MCF2: variants seen among roughly 807,000 people sequenced by gnomAD.
The protein encoded by MCF2 is MCF.2 cell line derived transforming sequence, also known as proto-oncogene DBL.
In MCF2, 44 loss-of-function variants were observed where a neutral mutation model predicts 82.5. That is an observed-to-expected ratio of 0.53 (90% CI 0.42 to 0.69). The LOEUF is 0.69. Among genes scored for constraint, MCF2 ranks in the 30% least tolerant of loss-of-function variants. The pLI is 0.00. For missense variants in MCF2, 623 were observed against 663.1 expected, an observed-to-expected ratio of 0.94 and a Z score of 0.66; for synonymous variants, 217 against 224.9, an observed-to-expected ratio of 0.96 and a Z score of 0.32.
intron 1 of MCF2, among the ~76,000 whole-genome samples, chrX:139,668,245 C>A (rs1340289539): frequency 1.8e-5 from 2 of 111,619 alleles, no homozygotes; most frequent in African/African-American, 6.5e-5. Context: ...CAGGCTGATT[C>A]CCCAGTTTCC....
chrX:139,687,468 T>A (rs999406686), intron 1 of MCF2, among the ~76,000 whole-genome samples: 1 of 112,973 alleles, frequency 8.9e-6, no homozygotes, highest in Non-Finnish European at 1.9e-5. Flanking sequence ...CCTCATGGGA[T>A]TGGCCTCTGC....
chrX:139,588,265 A>G (rs1259669701), intron 21 of MCF2, 95 bp downstream of exon 25: 20 of 571,634 alleles, frequency 3.5e-5, no homozygotes, highest in African/African-American at 4.6e-5. Flanking sequence ...TATAAAGTAA[A>G]TATCAGCCCC....
At chrX:139,610,184 A>T in intron 11 of MCF2, 117 bp downstream of exon 15, 1 of 484,524 alleles carries the variant, frequency 2.1e-6, no homozygotes, top group Admixed American at 4.8e-5. Context: ...TTTTTCTTTT[A>T]AATAGTCTTT....
chrX:139,676,322 C>T (rs751249411), intron 1 of MCF2, among the ~76,000 whole-genome samples: 42 of 111,823 alleles, frequency 3.8e-4, no homozygotes, highest in Non-Finnish European at 6.2e-4. Flanking sequence ...ACCCTCCATG[C>T]GCTGCACCCA....
intron 10 of MCF2, among the ~76,000 whole-genome samples, chrX:139,611,101 A>G (rs1255509809): frequency 8.9e-6 from 1 of 112,092 alleles, no homozygotes; most frequent in East Asian, 2.8e-4. Context: ...GCATGGTCCA[A>G]CCAAAGACTA....
intron 1 of MCF2, among the ~76,000 whole-genome samples, chrX:139,666,548 C>G (rs1266226539): frequency 9.0e-6 from 1 of 111,540 alleles, no homozygotes; most frequent in Non-Finnish European, 1.9e-5. Context: ...CTCTATTGGC[C>G]TCTGAAGTTT....
chrX:139,673,814 T>C (rs988597971), intron 1 of MCF2, among the ~76,000 whole-genome samples: 13 of 111,971 alleles, frequency 1.2e-4, no homozygotes, highest in African/African-American at 4.2e-4. Flanking sequence ...TGGAGAGTTC[T>C]GTAGATGTCT....
intron 1 of MCF2, among the ~76,000 whole-genome samples, chrX:139,677,074 T>C (rs1176435475): frequency 3.6e-5 from 4 of 111,789 alleles, no homozygotes; most frequent in African/African-American, 1.3e-4. Context: ...GCATGCACAC[T>C]AAGAGGAAAA....
At chrX:139,678,606 TA>T (rs1934929520) in intron 1 of MCF2, among the ~76,000 whole-genome samples, 1 of 111,650 alleles carries the variant, frequency 9.0e-6, no homozygotes, top group African/African-American at 3.3e-5. Flanking sequence ...CAAGGATATA[TA>T]AAAGATTATA....
At chrX:139,605,734 T>C (rs916976707) in exon 13 of MCF2, 2 of 1,200,947 alleles carry the variant, frequency 1.7e-6, no homozygotes, top group Non-Finnish European at 2.2e-6. Context: ...TATACAGTTC[T>C]CGAACATAAA....
chrX:139,666,517 C>T (rs1934524880), intron 1 of MCF2, among the ~76,000 whole-genome samples: 1 of 111,446 alleles, frequency 9.0e-6, no homozygotes, highest in South Asian at 3.8e-4. Context: ...TCTTTCAGCA[C>T]TTTACATGTA....
chrX:139,703,359 G>C (rs1473527147), intron 1 of MCF2, among the ~76,000 whole-genome samples: 1 of 110,797 alleles, frequency 9.0e-6, no homozygotes, highest in Admixed American at 9.6e-5. Context: ...TGTTGAGTGA[G>C]AAAAAAAGAT....
intron 12 of MCF2, chrX:139,607,207 A>C (rs921716550): frequency 3.0e-4 from 33 of 111,408 alleles, no homozygotes; most frequent in African/African-American, 1.1e-3. Flanking sequence ...TTGATATGGT[A>C]ATCATTTCAC....
chrX:139,584,286 C>T (rs773939315), intron 24 of MCF2, among the ~76,000 whole-genome samples: 5 of 110,127 alleles, frequency 4.5e-5, no homozygotes, highest in Non-Finnish European at 9.5e-5. Context: ...CAGGCATGCG[C>T]CACCACAACC....
At chrX:139,650,721 C>T (rs1933973214) in intron 2 of MCF2, among the ~76,000 whole-genome samples, 1 of 112,018 alleles carries the variant, frequency 8.9e-6, no homozygotes. Flanking sequence ...AGTTACGTCT[C>T]TAAAAATGGG....
At chrX:139,612,540 GA>G (rs368901985) in intron 10 of MCF2, among the ~76,000 whole-genome samples, 2,192 of 97,567 alleles carry the variant, frequency 0.022, 49 homozygotes, top group African/African-American at 0.07. Flanking sequence ...AATGCAAAAA[GA>G]AAAAAAAAAA....
chrX:139,626,419 A>T (rs1270375153), intron 5 of MCF2, 112 bp from the exon 9 acceptor site: 2 of 578,574 alleles, frequency 3.5e-6, no homozygotes, highest in African/African-American at 2.3e-5. Context: ...AGCCCATGAC[A>T]CTTGGTTCTA....
At chrX:139,694,802 T>C (rs1935348408) in intron 1 of MCF2, among the ~76,000 whole-genome samples, 1 of 110,593 alleles carries the variant, frequency 9.0e-6, no homozygotes, top group Admixed American at 9.6e-5. Context: ...TGGATATCCA[T>C]AAATCCATTA....
chrX:139,651,483 T>TA lies in MCF2; in HGVS notation c.25+236dup, dbSNP rs1360153955. ...CTGAAAGTCAAATGTATAAGAGTGG[T>TA]AAGGTCGGTTTTACTCATATATCTA... On this transcript the variant is annotated intron_variant, in intron 2 of 27. Coordinates refer to the MCF2 transcript ENST00000414978. Among the ~76,000 whole-genome samples, 4 of 111,523 alleles carry TA rather than the reference T, an allele frequency of 3.6e-5. No individual in the cohort carries two copies. In the East Asian group the frequency reaches 1.1e-3, roughly 32 times the overall value.
Sources: allele counts gnomAD v4.1 joint callset (sites outside exome capture counted in the v4.1 genomes callset), GRCh38; gene constraint gnomAD v4.1.1; transcripts MANE v1.5; gene names NCBI Gene and HGNC (gene_info 2026-07-23, HGNC 2026-07-21).